The following MACROD2 variants were observed in gnomAD, a reference collection of about 807,000 sequenced individuals.
The protein encoded by MACROD2 is mono-ADP ribosylhydrolase 2, also known as ADP-ribose glycohydrolase MACROD2.
Under a neutral mutation model 70.4 loss-of-function variants are expected in MACROD2, and 36 were observed. The ratio of observed to expected loss-of-function variants is 0.51; its 90% CI spans 0.39 to 0.68. MACROD2 has a LOEUF of 0.68. Ranked by LOEUF, MACROD2 falls within the 30% of genes least tolerant of loss-of-function variation. The pLI, the probability that MACROD2 is intolerant of heterozygous loss-of-function variation, is 0.00. For synonymous variants in MACROD2, 172 were observed against 178.8 expected, an observed-to-expected ratio of 0.96 and a Z score of 0.30; for missense variants, 496 against 538.4, an observed-to-expected ratio of 0.92 and a Z score of 0.78.
chr20:15,501,477 T>G (rs2047364036), intron 8 of MACROD2, among the ~76,000 whole-genome samples: 1 of 152,212 alleles, frequency 6.6e-6, no homozygotes, highest in South Asian at 2.1e-4. Context: ...ACTCATTGAT[T>G]CTCTCTAGCT....
rs567829305 is a variant in MACROD2 at position 14,097,317 on chromosome 20, G to A, written c.271+11589G>A. ...TATGTCATTAGAGACAATTTTACTT[G>A]TACTGTGCCACAATCACAGAAAAAT... On this transcript the variant is annotated intron_variant, in intron 3 of 17. Coordinates refer to ENST00000684519, the MANE Select transcript of MACROD2 (RefSeq NM_001351661.2). 2.6e-5 allele frequency among the ~76,000 whole-genome samples: 4 copies of A among 152,234 alleles called. No homozygotes were observed. The East Asian group carries it at 7.7e-4, about 29-fold the overall frequency.
chr20:15,776,690 CTTT>C (rs1404453960), intron 8 of MACROD2, among the ~76,000 whole-genome samples: 1 of 152,158 alleles, frequency 6.6e-6, no homozygotes, highest in Non-Finnish European at 1.5e-5. Flanking sequence ...AGAACATTCC[CTTT>C]TAAAAGTTCC....
chr20:15,077,545 T>C (rs1375378627), intron 5 of MACROD2, among the ~76,000 whole-genome samples: 1 of 152,180 alleles, frequency 6.6e-6, no homozygotes, highest in East Asian at 1.9e-4. Flanking sequence ...TGAAGGTTGG[T>C]TTGGACCATT....
intron 5 of MACROD2, among the ~76,000 whole-genome samples, chr20:15,107,108 A>G (rs769315090): frequency 1.3e-5 from 2 of 151,262 alleles, no homozygotes; most frequent in Admixed American, 1.3e-4. Context: ...CAAGTATTAC[A>G]GCTTAAAACA....
At chr20:15,135,369 A>T (rs1034873764) in intron 5 of MACROD2, among the ~76,000 whole-genome samples, 2 of 151,894 alleles carry the variant, frequency 1.3e-5, no homozygotes, top group Non-Finnish European at 2.9e-5. Flanking sequence ...ATCCACCATG[A>T]TCAAGTGGGC....
At chr20:15,546,249 A>G (rs1016569997) in intron 8 of MACROD2, among the ~76,000 whole-genome samples, 3 of 152,238 alleles carry the variant, frequency 2.0e-5, no homozygotes, top group Non-Finnish European at 2.9e-5. Flanking sequence ...CCATCTCAAA[A>G]AAAAGAGACT....
At chr20:14,232,213 G>T (rs1024243223) in intron 3 of MACROD2, among the ~76,000 whole-genome samples, 1 of 9,326 alleles carries the variant, frequency 1.1e-4, no homozygotes, top group African/African-American at 2.4e-4. Flanking sequence ...TGAAGTCCTT[G>T]CCCAGCCTAT....
At chr20:15,419,525 C>T (rs1480745516) in intron 6 of MACROD2, among the ~76,000 whole-genome samples, 2 of 152,250 alleles carry the variant, frequency 1.3e-5, no homozygotes, top group East Asian at 1.9e-4. Context: ...TTCTTGTTCC[C>T]GATTCCTGTG....
chr20:15,504,876 G>A (rs1322541608), intron 8 of MACROD2, among the ~76,000 whole-genome samples: 1 of 152,110 alleles, frequency 6.6e-6, no homozygotes, highest in African/African-American at 2.4e-5. Context: ...TCTAAGTTGG[G>A]GTGGCTGCTC....
intron 9 of MACROD2, among the ~76,000 whole-genome samples, chr20:15,885,192 G>A (rs1398217443): frequency 6.6e-6 from 1 of 152,130 alleles, no homozygotes; most frequent in Non-Finnish European, 1.5e-5. Flanking sequence ...TCCTTGTCCA[G>A]TTAAAAGGGA....
intron 8 of MACROD2, among the ~76,000 whole-genome samples, chr20:15,799,823 T>C (rs191351853): frequency 6.6e-6 from 1 of 152,358 alleles, no homozygotes; most frequent in East Asian, 1.9e-4. Flanking sequence ...GGGACTGCTA[T>C]ATCATATGGT....
At chr20:14,753,152 T>C (rs2071896682) in intron 5 of MACROD2, among the ~76,000 whole-genome samples, 1 of 152,144 alleles carries the variant, frequency 6.6e-6, no homozygotes. Flanking sequence ...AGAAAACCCC[T>C]GCCTCTAAAT....
chr20:14,908,857 A>G (rs1352268995), intron 5 of MACROD2, among the ~76,000 whole-genome samples: 1 of 152,146 alleles, frequency 6.6e-6, no homozygotes, highest in Non-Finnish European at 1.5e-5. Context: ...CTATCTGCTT[A>G]TTGAGGAGAC....
At chr20:15,509,278 C>T (rs1052673574) in intron 8 of MACROD2, among the ~76,000 whole-genome samples, 6 of 152,148 alleles carry the variant, frequency 3.9e-5, no homozygotes, top group Non-Finnish European at 7.3e-5. Flanking sequence ...AATTAATTTT[C>T]TGATGGCTGT....
At chr20:14,045,381 G>A (rs1427483539) in intron 2 of MACROD2, among the ~76,000 whole-genome samples, 1 of 152,226 alleles carries the variant, frequency 6.6e-6, no homozygotes, top group East Asian at 1.9e-4. Flanking sequence ...TGGGCTTTTG[G>A]TGTGGGACTG....
intron 10 of MACROD2, among the ~76,000 whole-genome samples, chr20:15,886,918 T>G (rs769841470): frequency 3.3e-5 from 5 of 152,266 alleles, no homozygotes; most frequent in Non-Finnish European, 7.4e-5. Flanking sequence ...TTTTTCTTTC[T>G]CATTCTAACA....
intron 8 of MACROD2, among the ~76,000 whole-genome samples, chr20:15,560,159 C>T (rs1039370678): frequency 9.2e-5 from 14 of 152,182 alleles, no homozygotes; most frequent in Admixed American, 3.3e-4. Flanking sequence ...TATGCCTGTT[C>T]GCCTATTTGT....
chr20:15,729,951 C>T (rs2050923145), intron 8 of MACROD2, among the ~76,000 whole-genome samples: 1 of 150,062 alleles, frequency 6.7e-6, no homozygotes, highest in Admixed American at 6.7e-5. Flanking sequence ...GACTCAGCCT[C>T]CTGAGTAGCT....
chr20:14,198,299 G>A (rs1346674939), intron 3 of MACROD2, among the ~76,000 whole-genome samples: 1 of 152,146 alleles, frequency 6.6e-6, no homozygotes, highest in Non-Finnish European at 1.5e-5. Context: ...TTTTCTCTTT[G>A]TATACACATT....
Sources: gnomAD v4.1 joint callset for allele counts (sites outside exome capture counted in the v4.1 genomes callset) on GRCh38, gnomAD v4.1.1 for gene constraint, MANE v1.5 for transcripts, NCBI Gene and HGNC (gene_info 2026-07-23, HGNC 2026-07-21) for gene names.